PCDHA1: variants seen among roughly 807,000 people sequenced by gnomAD.
PCDHA1 encodes protocadherin alpha-1.
Under a neutral mutation model 61.3 loss-of-function variants are expected in PCDHA1, and 42 were observed. That is an observed-to-expected ratio of 0.69 (90% CI 0.54 to 0.89). The LOEUF is 0.89. PCDHA1 is among the 40% of genes least tolerant of loss of function. The pLI is 0.00. For missense variants in PCDHA1, 1,256 were observed against 1,235.3 expected, an observed-to-expected ratio of 1.02 and a Z score of -0.25; for synonymous variants, 610 against 553.8, an observed-to-expected ratio of 1.10 and a Z score of -1.43.
At chr5:140,795,612 T>C (rs782262057) in intron 1 of PCDHA1, 1 of 1,614,180 alleles carries the variant, frequency 6.2e-7, no homozygotes, top group Non-Finnish European at 8.5e-7. Context: ...TGGCTACTGA[T>C]GGGGGCAAAC....
chr5:140,865,139 A>G (rs1467997658), intron 1 of PCDHA1: 1 of 152,202 alleles, frequency 6.6e-6, no homozygotes, highest in Non-Finnish European at 1.5e-5. Flanking sequence ...CTTAGAATTT[A>G]ACATTGTATA....
chr5:140,970,222 C>T (rs1270140969), intron 1 of PCDHA1, among the ~76,000 whole-genome samples: 2 of 152,134 alleles, frequency 1.3e-5, no homozygotes, highest in Non-Finnish European at 2.9e-5. Context: ...TAAATGCAGC[C>T]TGTAATCTTC....
intron 1 of PCDHA1, chr5:140,967,438 C>T: frequency 6.2e-7 from 1 of 1,613,548 alleles, no homozygotes; most frequent in South Asian, 1.1e-5. Flanking sequence ...CCTTGCACCA[C>T]CTGGTTCTCA....
intron 1 of PCDHA1, chr5:140,877,106 TG>T: frequency 6.2e-7 from 1 of 1,613,554 alleles, no homozygotes. Flanking sequence ...GTGCCGCCTC[TG>T]GGCAGCAACG....
intron 1 of PCDHA1, among the ~76,000 whole-genome samples, chr5:140,888,038 T>C (rs1195921370): frequency 3.3e-5 from 5 of 152,238 alleles, no homozygotes; most frequent in Non-Finnish European, 7.3e-5. Context: ...TATTAGTACA[T>C]GTATAATAGA....
At chr5:140,927,981 T>C (rs2084836319) in intron 1 of PCDHA1, 2 of 1,614,206 alleles carry the variant, frequency 1.2e-6, no homozygotes, top group Non-Finnish European at 1.7e-6. Flanking sequence ...CTCTCTTTAG[T>C]GTAAAGGATG....
chr5:140,902,963 G>T (rs2069893804), intron 1 of PCDHA1, among the ~76,000 whole-genome samples: 1 of 152,180 alleles, frequency 6.6e-6, no homozygotes, highest in Non-Finnish European at 1.5e-5. Context: ...CTTGTTGGCT[G>T]ATGGGCATTT....
At chr5:140,865,810 T>A (rs1350387651) in intron 1 of PCDHA1, 1 of 152,186 alleles carries the variant, frequency 6.6e-6, no homozygotes, top group Non-Finnish European at 1.5e-5. Flanking sequence ...CATTCTTTTA[T>A]CCACTATAAT....
At chr5:140,831,922 C>T (rs186638851) in intron 1 of PCDHA1, among the ~76,000 whole-genome samples, 62 of 152,254 alleles carry the variant, frequency 4.1e-4, no homozygotes, top group Middle Eastern at 3.4e-3. Flanking sequence ...AAAAAATTTG[C>T]TACTAGTTTT....
chr5:140,987,096 C>T (rs1266691790), intron 3 of PCDHA1, among the ~76,000 whole-genome samples: 3 of 151,912 alleles, frequency 2.0e-5, no homozygotes, highest in African/African-American at 7.3e-5. Context: ...TGCCTGTAAT[C>T]CCAGCTACTC....
At chr5:140,912,908 A>T (rs986770915) in intron 1 of PCDHA1, among the ~76,000 whole-genome samples, 8 of 152,188 alleles carry the variant, frequency 5.3e-5, no homozygotes, top group African/African-American at 1.9e-4. Flanking sequence ...TATCATATTG[A>T]TTGATTTGTG....
chr5:140,802,643 G>A (rs151289883), intron 1 of PCDHA1: 8 of 1,613,746 alleles, frequency 5.0e-6, no homozygotes, highest in Non-Finnish European at 6.8e-6. Context: ...CGCGGGACGC[G>A]GACGCGCAGG....
intron 1 of PCDHA1, chr5:140,926,299 C>G (rs547710989): frequency 3.9e-5 from 6 of 152,464 alleles, no homozygotes; most frequent in Admixed American, 3.9e-4. Context: ...GAGTCCCGCC[C>G]TCTCCGCCGG....
chr5:140,910,708 A>G (rs1227801513), intron 1 of PCDHA1, among the ~76,000 whole-genome samples: 2 of 152,164 alleles, frequency 1.3e-5, no homozygotes, highest in African/African-American at 4.8e-5. Context: ...ACAGTGGGCC[A>G]TCTTTTAATC....
chr5:140,802,805 T>A, intron 1 of PCDHA1: 4 of 1,613,318 alleles, frequency 2.5e-6, no homozygotes, highest in Non-Finnish European at 3.4e-6. Flanking sequence ...TCCAGGTGAG[T>A]GCGCGCGATG....
intron 1 of PCDHA1, chr5:140,841,218 C>G (rs2150312000): frequency 3.5e-6 from 5 of 1,431,458 alleles, no homozygotes; most frequent in Non-Finnish European, 4.7e-6. Context: ...CTCTAAAGGC[C>G]GAACAACGGG....
intron 1 of PCDHA1, among the ~76,000 whole-genome samples, chr5:140,906,586 C>G (rs1199094981): frequency 6.6e-6 from 1 of 152,218 alleles, no homozygotes; most frequent in African/African-American, 2.4e-5. Context: ...TGATGACTAC[C>G]TTCCTCTACT....
At chr5:140,900,100 A>G (rs1453942019) in intron 1 of PCDHA1, among the ~76,000 whole-genome samples, 1 of 152,162 alleles carries the variant, frequency 6.6e-6, no homozygotes, top group African/African-American at 2.4e-5. Flanking sequence ...ATGCGCCACC[A>G]TACCTGGCCT....
chr5:140,921,212 C>T lies in PCDHA1; in HGVS notation c.2395-57737C>T, dbSNP rs78827164. On this transcript the variant is annotated intron_variant, in intron 1 of 3. Coordinates refer to ENST00000504120, the MANE Select transcript of PCDHA1 (RefSeq NM_018900.4). ...ACAATAGATTGACAACGATAATTCA[C>T]GTCTTTTTTGCTAGATGATATTAAG... is the stretch of plus-strand genomic sequence containing the variant. Among the ~76,000 whole-genome samples the T allele has an allele frequency of 3.7e-3, 555 of 152,020 alleles. 3 individuals carry two copies. Among genetic ancestry groups the T allele is most frequent in the Non-Finnish European group, 5.8e-3 (395 of 67,980 alleles).
Sources: allele counts gnomAD v4.1 joint callset (sites outside exome capture counted in the v4.1 genomes callset), GRCh38; gene constraint gnomAD v4.1.1; transcripts MANE v1.5; gene names NCBI Gene and HGNC (gene_info 2026-07-23, HGNC 2026-07-21).